NXPH2: variants seen among roughly 807,000 people sequenced by gnomAD.
NXPH2 encodes the protein neurexophilin-2.
Under a neutral mutation model 19.8 loss-of-function variants are expected in NXPH2, and 5 were observed. That is an observed-to-expected ratio of 0.25 (90% CI 0.13 to 0.53). The LOEUF (loss-of-function observed/expected upper bound fraction) is 0.53, where lower values mean the gene tolerates loss of function less well. Ranked by LOEUF, NXPH2 falls within the 20% of genes least tolerant of loss-of-function variation. The pLI, the probability that NXPH2 is intolerant of heterozygous loss-of-function variation, is 0.96. For synonymous variants in NXPH2, 154 were observed against 127.4 expected (o/e 1.21, Z -1.41); for missense variants, 289 against 322.8 (o/e 0.90, Z 0.80).
intron 1 of NXPH2, among the ~76,000 whole-genome samples, chr2:138,768,065 G>C (rs1682120214): frequency 6.6e-6 from 1 of 151,976 alleles, no homozygotes; most frequent in South Asian, 2.1e-4. Context: ...TTCCCCAGTT[G>C]ATCTTTCTTC....
At chr2:138,741,564 A>T (rs986795037) in intron 1 of NXPH2, among the ~76,000 whole-genome samples, 1 of 152,210 alleles carries the variant, frequency 6.6e-6, no homozygotes, top group African/African-American at 2.4e-5. Context: ...TCATTTAGGG[A>T]TGTAATTTCC....
intron 1 of NXPH2, among the ~76,000 whole-genome samples, chr2:138,731,640 T>C (rs1300990106): frequency 6.6e-6 from 1 of 152,096 alleles, no homozygotes; most frequent in Non-Finnish European, 1.5e-5. Context: ...CTCAAGATGA[T>C]CAATTTTAAC....
Position 138,722,192 on chromosome 2 carries a change from A to G in NXPH2, c.52-50527T>C, listed in dbSNP as rs572278719. 1.8e-3 allele frequency among the ~76,000 whole-genome samples: 277 copies of G among 152,384 alleles called. 1 individual carries two copies. Among genetic ancestry groups the G allele is most frequent in the Middle Eastern group, 6.8e-3 (2 of 294 alleles). ...GATGGTAAAGAGCAAAGTGAGCAAG[A>G]GGATAGAAACTAACTGAGAACTGCT... On this transcript the variant is annotated intron_variant, in intron 1 of 1. Transcript: ENST00000272641.
At chr2:138,735,940 A>G (rs1681531713) in intron 1 of NXPH2, among the ~76,000 whole-genome samples, 1 of 152,236 alleles carries the variant, frequency 6.6e-6, no homozygotes, top group Non-Finnish European at 1.5e-5. Flanking sequence ...TAAAGCTCCA[A>G]AATGATCTCC....
At chr2:138,716,866 A>C (rs1445738098) in intron 1 of NXPH2, among the ~76,000 whole-genome samples, 1 of 152,182 alleles carries the variant, frequency 6.6e-6, no homozygotes, top group Non-Finnish European at 1.5e-5. Flanking sequence ...CTGCTTCCTC[A>C]TGTTTAAAAT....
chr2:138,722,983 T>C (rs938077589), intron 1 of NXPH2, among the ~76,000 whole-genome samples: 5 of 152,222 alleles, frequency 3.3e-5, no homozygotes, highest in Admixed American at 6.5e-5. Flanking sequence ...TGTCCTTGTC[T>C]ACTTGTTTTC....
At chr2:138,702,758 G>A (rs184135001) in intron 1 of NXPH2, among the ~76,000 whole-genome samples, 4 of 152,210 alleles carry the variant, frequency 2.6e-5, no homozygotes, top group African/African-American at 9.6e-5. Context: ...GAACTAAATT[G>A]CCAGGTGCTA....
chr2:138,692,723 A>T (rs1680763232), intron 1 of NXPH2, among the ~76,000 whole-genome samples: 1 of 152,168 alleles, frequency 6.6e-6, no homozygotes, highest in Admixed American at 6.5e-5. Flanking sequence ...CTATGGCCTA[A>T]TTTTAAAATG....
intron 1 of NXPH2, among the ~76,000 whole-genome samples, chr2:138,705,591 C>T (rs1326019188): frequency 6.6e-6 from 1 of 152,178 alleles, no homozygotes; most frequent in Non-Finnish European, 1.5e-5. Flanking sequence ...ATTTATTCTA[C>T]ACTATCACTG....
At chr2:138,673,643 AT>A (rs1324674208) in intron 1 of NXPH2, among the ~76,000 whole-genome samples, 541 of 142,070 alleles carry the variant, frequency 3.8e-3, no homozygotes, top group Middle Eastern at 7.3e-3. Context: ...AATGGGATTA[AT>A]TTTTTTTTTT....
At chr2:138,716,904 A>C (rs1191355887) in intron 1 of NXPH2, among the ~76,000 whole-genome samples, 1 of 152,226 alleles carries the variant, frequency 6.6e-6, no homozygotes, top group African/African-American at 2.4e-5. Context: ...GTATTTACCA[A>C]AATTAATAAC....
intron 1 of NXPH2, among the ~76,000 whole-genome samples, chr2:138,675,820 G>C (rs929776573): frequency 3.9e-5 from 6 of 152,018 alleles, no homozygotes; most frequent in African/African-American, 1.4e-4. Flanking sequence ...TGTTCAAAGA[G>C]CCCTTGATTT....
intron 1 of NXPH2, among the ~76,000 whole-genome samples, chr2:138,735,113 T>C (rs1426182340): frequency 6.6e-6 from 1 of 152,150 alleles, no homozygotes; most frequent in Non-Finnish European, 1.5e-5. Context: ...TCCATGACAA[T>C]GGATGCCCCT....
In NXPH2 at chr2:138,760,363, G is replaced by A. The variant is rs140756690; in HGVS notation, c.51+19828C>T. 4.2e-4 allele frequency among the ~76,000 whole-genome samples: 64 copies of A among 152,218 alleles called. No homozygotes were observed. The East Asian group carries it at 0.01, about 25-fold the overall frequency. On this transcript the variant is annotated intron_variant, in intron 1 of 1. Coordinates refer to ENST00000272641, the MANE Select transcript of NXPH2 (RefSeq NM_007226.3). The stretch of plus-strand genomic sequence containing the variant: ...AACTTTTGAGATCTCTCAGCCTGAC[G>A]CTTTGAAACAACAACAACAAAAACC...
rs1469038676 is a variant in NXPH2, at chr2:138,751,722, G to A, written c.51+28469C>T. 8.5e-5 allele frequency among the ~76,000 whole-genome samples: 13 copies of A among 152,076 alleles called. 1 individual carries two copies. Among genetic ancestry groups the A allele is most frequent in the Admixed American group, 7.9e-4 (12 of 15,264 alleles). On this transcript the variant is annotated intron_variant, in intron 1 of 1. Transcript: ENST00000272641. ...CAGCTTTCATGATGAATTATAATAA[G>A]TGTATTAACCTTTATGGTTAAAGTA...
At chr2:138,766,914 T>C (rs1682100905) in intron 1 of NXPH2, among the ~76,000 whole-genome samples, 1 of 152,160 alleles carries the variant, frequency 6.6e-6, no homozygotes, top group Non-Finnish European at 1.5e-5. Flanking sequence ...TTTTTGTTGA[T>C]TGTGTCATTT....
chr2:138,714,586 C>T (rs1290697042), intron 1 of NXPH2, among the ~76,000 whole-genome samples: 1 of 152,034 alleles, frequency 6.6e-6, no homozygotes, highest in South Asian at 2.1e-4. Flanking sequence ...GTGTTCGCTT[C>T]CCTACAAATT....
At chr2:138,701,583 ATCATC>A (rs1680923851) in intron 1 of NXPH2, among the ~76,000 whole-genome samples, 1 of 152,182 alleles carries the variant, frequency 6.6e-6, no homozygotes, top group South Asian at 2.1e-4. Context: ...TCAGGTGGGT[ATCATC>A]TGCAGCATGC....
chr2:138,772,093 G>C (rs1454315527), intron 1 of NXPH2, among the ~76,000 whole-genome samples: 1 of 151,974 alleles, frequency 6.6e-6, no homozygotes, highest in African/African-American at 2.4e-5. Context: ...GAAAACCAGG[G>C]TTTAGCAGCC....
Sources: allele counts gnomAD v4.1 joint callset (sites outside exome capture counted in the v4.1 genomes callset), GRCh38; gene constraint gnomAD v4.1.1; transcripts MANE v1.5; gene names NCBI Gene and HGNC (gene_info 2026-07-23, HGNC 2026-07-21).